The following PACRG variants were observed in gnomAD, a reference collection of about 807,000 sequenced individuals.
PACRG encodes parkin coregulated gene protein.
PACRG carries 29 observed loss-of-function variants against 29.7 expected under a neutral mutation model. The observed-to-expected ratio is 0.98, with a 90% CI of 0.73 to 1.33. The LOEUF (loss-of-function observed/expected upper bound fraction) is 1.33, where lower values mean the gene tolerates loss of function less well. PACRG is among the 40% of genes most tolerant of loss of function. The probability of loss-of-function intolerance (pLI) is 0.00; values close to 1 mark genes in which losing one functional copy is unlikely to be tolerated. For synonymous variants in PACRG, 116 were observed against 118.7 expected (o/e 0.98, Z 0.15); for missense variants, 279 against 316.2 (o/e 0.88, Z 0.89).
At chr6:163,150,511 C>G (rs9365539) in intron 4 of PACRG, among the ~76,000 whole-genome samples, 46,705 of 152,166 alleles carry the variant, frequency 0.31, 7,301 homozygotes, top group South Asian at 0.47. Context: ...GTTCTCTTCT[C>G]TGTCAGGAAC....
chr6:162,999,487 CAA>C (rs1804389765), intron 2 of PACRG, among the ~76,000 whole-genome samples: 1 of 152,170 alleles, frequency 6.6e-6, no homozygotes, highest in Non-Finnish European at 1.5e-5. Context: ...AAGCTCAATA[CAA>C]GATTGGATAG....
intron 2 of PACRG, among the ~76,000 whole-genome samples, chr6:162,994,035 A>G (rs1803712400): frequency 1.6e-5 from 2 of 126,050 alleles, no homozygotes; most frequent in Non-Finnish European, 1.6e-5. Flanking sequence ...TTCTGGGTTG[A>G]AAATTCTTTT....
At chr6:163,309,225 C>T (rs1437255234) in intron 4 of PACRG, among the ~76,000 whole-genome samples, 3 of 152,340 alleles carry the variant, frequency 2.0e-5, no homozygotes. Context: ...GCTCCACATG[C>T]CAACGGCCAG....
intron 4 of PACRG, among the ~76,000 whole-genome samples, chr6:163,168,831 A>G (rs1457166124): frequency 6.6e-6 from 1 of 152,152 alleles, no homozygotes; most frequent in Non-Finnish European, 1.5e-5. Flanking sequence ...TTCTTTCCTC[A>G]TTTATATGGA....
intron 3 of PACRG, among the ~76,000 whole-genome samples, chr6:163,063,076 A>G (rs895936416): frequency 6.6e-6 from 1 of 152,142 alleles, no homozygotes; most frequent in East Asian, 1.9e-4. Flanking sequence ...TCAAGGTGGC[A>G]GGGCTGGCCC....
chr6:162,791,254 GT>G (rs1477606317), intron 1 of PACRG, among the ~76,000 whole-genome samples: 2 of 147,120 alleles, frequency 1.4e-5, no homozygotes, highest in African/African-American at 2.5e-5. Context: ...GAAAATGGGG[GT>G]TTTTGTGGGT....
intron 4 of PACRG, among the ~76,000 whole-genome samples, chr6:163,159,371 T>G (rs1164471619): frequency 1.3e-5 from 2 of 150,080 alleles, no homozygotes; most frequent in African/African-American, 2.4e-5. Flanking sequence ...AATATAAAAT[T>G]TATTGTTATA....
At chr6:162,759,468 G>GATTC (rs1782181335) in intron 1 of PACRG, among the ~76,000 whole-genome samples, 1 of 152,150 alleles carries the variant, frequency 6.6e-6, no homozygotes, top group Non-Finnish European at 1.5e-5. Flanking sequence ...AAATGCTCCA[G>GATTC]ATTCACATCC....
chr6:163,035,504 A>T (rs1355358030), intron 2 of PACRG, among the ~76,000 whole-genome samples: 1 of 152,072 alleles, frequency 6.6e-6, no homozygotes, highest in African/African-American at 2.4e-5. Context: ...AAAATTAGCC[A>T]GGTACGGTGG....
At chr6:163,261,934 C>T (rs1783342031) in intron 4 of PACRG, among the ~76,000 whole-genome samples, 1 of 152,098 alleles carries the variant, frequency 6.6e-6, no homozygotes, top group Non-Finnish European at 1.5e-5. Context: ...AACCAATCCC[C>T]CAGGAATACG....
chr6:162,952,037 CA>C (rs1799691197), intron 2 of PACRG, among the ~76,000 whole-genome samples: 1 of 152,130 alleles, frequency 6.6e-6, no homozygotes, highest in Non-Finnish European at 1.5e-5. Context: ...TGTCCTTAAA[CA>C]AAAATGTCAA....
intron 2 of PACRG, among the ~76,000 whole-genome samples, chr6:162,950,627 A>T (rs1295167577): frequency 2.6e-5 from 4 of 152,216 alleles, no homozygotes; most frequent in Admixed American, 2.6e-4. Context: ...TACGTTCATG[A>T]TTCAAAATTT....
chr6:163,226,549 A>C (rs556789131), intron 4 of PACRG, among the ~76,000 whole-genome samples: 43 of 152,266 alleles, frequency 2.8e-4, no homozygotes, highest in African/African-American at 1.0e-3. Flanking sequence ...TGGGCAGGAG[A>C]GGTTAGACTG....
intron 4 of PACRG, chr6:163,101,337 G>A: frequency 1.2e-5 from 12 of 981,400 alleles, no homozygotes; most frequent in Non-Finnish European, 1.5e-5. Flanking sequence ...TGACCTGCAT[G>A]CTAGTTGGAT....
Position 163,089,352 on chromosome 6 carries a change from TG to T in PACRG, c.559del (p.Val187CysfsTer11). The stretch of plus-strand genomic sequence containing the variant: ...TCAGCTGAGATGGTGGGCAAGGCCT[TG>T]GTGCCTTATTACCGTCAAATCCTCC... ...VVSAEMVGKALVPYYRQILPV... is the reference protein window; with the variant it reads ...VVSAEMVGKAXVPYYRQILPV... On this transcript the variant is annotated frameshift_variant, in exon 4 of 5. Transcript: ENST00000366888. LOFTEE classifies it high-confidence loss of function. 1 of 1,614,192 alleles carries T rather than the reference TG, an allele frequency of 6.2e-7. No individual in the cohort carries two copies. Among genetic ancestry groups the T allele is most frequent in the Non-Finnish European group, 8.5e-7 (1 of 1,180,020 alleles).
intron 2 of PACRG, among the ~76,000 whole-genome samples, chr6:162,883,882 G>A (rs1794112062): frequency 6.6e-6 from 1 of 150,804 alleles, no homozygotes; most frequent in Non-Finnish European, 1.5e-5. Flanking sequence ...ACATAGGCAG[G>A]TGATTGACAC....
chr6:162,917,771 G>A (rs1415901866), intron 2 of PACRG, among the ~76,000 whole-genome samples: 6 of 151,968 alleles, frequency 3.9e-5, no homozygotes, highest in Admixed American at 6.6e-5. Context: ...TCCTCTGTTT[G>A]GCCTAACCTC....
chr6:162,940,285 G>A (rs1415191167), intron 2 of PACRG, among the ~76,000 whole-genome samples: 1 of 152,082 alleles, frequency 6.6e-6, no homozygotes, highest in African/African-American at 2.4e-5. Flanking sequence ...TCTAGGCAAG[G>A]CAGAGATTGA....
At chr6:163,199,940 C>G (rs1780631280) in intron 4 of PACRG, among the ~76,000 whole-genome samples, 1 of 152,172 alleles carries the variant, frequency 6.6e-6, no homozygotes, top group African/African-American at 2.4e-5. Flanking sequence ...ATATCTCTAT[C>G]ACTGCCTAGA....
Sources: allele counts gnomAD v4.1 joint callset (sites outside exome capture counted in the v4.1 genomes callset), GRCh38; gene constraint gnomAD v4.1.1; transcripts MANE v1.5; gene names NCBI Gene and HGNC (gene_info 2026-07-23, HGNC 2026-07-21).